Variants in KIF18A observed in about 807,000 individuals in gnomAD.
The protein encoded by KIF18A is kinesin family member 18A.
Under a neutral mutation model 103.3 loss-of-function variants are expected in KIF18A, and 67 were observed. That is an observed-to-expected ratio of 0.65 (90% CI 0.53 to 0.79). The LOEUF is 0.79. KIF18A is among the 30% of genes least tolerant of loss of function. The pLI is 0.00. For synonymous variants in KIF18A, 367 were observed against 355.5 expected, an observed-to-expected ratio of 1.03 and a Z score of -0.36; for missense variants, 1,032 against 1,062.5, an observed-to-expected ratio of 0.97 and a Z score of 0.40.
intron 1 of KIF18A, among the ~76,000 whole-genome samples, chr11:28,106,693 G>A (rs766784707): frequency 2.6e-5 from 4 of 152,066 alleles, no homozygotes; most frequent in Non-Finnish European, 4.4e-5. Flanking sequence ...AGGAAGGGCT[G>A]GGTGCCCTGC....
chr11:28,020,812 G>C lies in KIF18A; in HGVS notation c.*388C>G, dbSNP rs973731960. On this transcript the variant is annotated 3_prime_UTR_variant, in exon 17 of 17. Coordinates refer to ENST00000263181, the MANE Select transcript of KIF18A (RefSeq NM_031217.4). ...CATAATAGAGAACCAAATACATCTTGGGCCATAATTTTACCACTTCTAAAT... is the reference window on the plus strand; with the variant it reads ...CATAATAGAGAACCAAATACATCTTCGGCCATAATTTTACCACTTCTAAAT... The C allele has an allele frequency of 6.6e-6, 1 of 152,496 alleles. No homozygotes were observed. Among genetic ancestry groups the C allele is most frequent in the Admixed American group, 6.6e-5 (1 of 15,252 alleles). 9.4% of individuals were successfully genotyped at this position (152,496 alleles called of 1,614,324 possible). A position where few individuals can be genotyped will look rare whatever the true frequency, so the allele number is the denominator to read the frequency against.
chr11:28,032,374 AT>A (rs920872798), intron 15 of KIF18A, among the ~76,000 whole-genome samples: 1 of 151,882 alleles, frequency 6.6e-6, no homozygotes, highest in Admixed American at 6.6e-5. Flanking sequence ...CAATCCTAAA[AT>A]TTATATGGAA....
chr11:28,035,736 TC>T (rs1850477288), intron 14 of KIF18A, among the ~76,000 whole-genome samples: 1 of 151,564 alleles, frequency 6.6e-6, no homozygotes, highest in African/African-American at 2.4e-5. Context: ...AAGGTATTTT[TC>T]TTTCCATATT....
chr11:28,100,550 GGT>G (rs1200829842), intron 1 of KIF18A, among the ~76,000 whole-genome samples: 1 of 93,312 alleles, frequency 1.1e-5, no homozygotes, highest in Non-Finnish European at 2.5e-5. Flanking sequence ...GGAGAAAAAT[GGT>G]GTGAGTGAAG....
chr11:28,082,330 C>T (rs1414270809), intron 9 of KIF18A, among the ~76,000 whole-genome samples: 1 of 152,060 alleles, frequency 6.6e-6, no homozygotes, highest in Non-Finnish European at 1.5e-5. Context: ...TCAATCTATG[C>T]AGTAAACTTC....
rs546137051 is a variant in KIF18A, at chr11:28,036,511, T to C, written c.2102A>G (p.Gln701Arg). 119 of 1,611,386 alleles carry C rather than the reference T, an allele frequency of 7.4e-5. No individual in the cohort carries two copies. The highest frequency in any genetic ancestry group is 8.8e-5 in the Non-Finnish European group (104 of 1,178,326). The change falls in exon 14 of 17, where the codon CAG becomes CGG. Residue 701 changes from glutamine to arginine, a missense_variant. Gln to Arg is a conservative substitution (Grantham distance 43). Coordinates refer to ENST00000263181, the MANE Select transcript of KIF18A (RefSeq NM_031217.4). Reference sequence around the variant, plus strand: ...GTCTTCTGGTGTATATACAATAGGCTGAAGTTCTTTGCTAAGAGAATCATT... The same window carrying C: ...GTCTTCTGGTGTATATACAATAGGCCGAAGTTCTTTGCTAAGAGAATCATT... ...QLNDSLSKEL[Q>R]PIVYTPEDCR... is the part of the protein sequence containing the mutation.
At chr11:28,042,381 A>G (rs1321931603) in intron 13 of KIF18A, among the ~76,000 whole-genome samples, 1 of 151,882 alleles carries the variant, frequency 6.6e-6, no homozygotes, top group East Asian at 1.9e-4. Context: ...ACACTCCCAA[A>G]CAATTAAAAC....
chr11:28,045,356 T>C (rs1850617881), intron 13 of KIF18A, among the ~76,000 whole-genome samples: 1 of 151,754 alleles, frequency 6.6e-6, no homozygotes, highest in Non-Finnish European at 1.5e-5. Context: ...CTCACAGATT[T>C]GGCTGAGGAC....
chr11:28,077,018 T>C lies in KIF18A; in HGVS notation c.1414A>G (p.Lys472Glu). 3 of 1,511,448 alleles carry C rather than the reference T, an allele frequency of 2.0e-6. No individual in the cohort carries two copies. Among genetic ancestry groups the C allele is most frequent in the South Asian group, 1.3e-5 (1 of 78,318 alleles). 93.6% of individuals were successfully genotyped at this position (1,511,448 alleles called of 1,614,324 possible). A position where few individuals can be genotyped will look rare whatever the true frequency, so the allele number is the denominator to read the frequency against. The change falls in exon 10 of 17, where the codon AAA (lysine) becomes GAA (glutamate). Residue 472 changes from lysine to glutamate, a missense_variant. By Grantham distance (56) the Lys-to-Glu change is moderately conservative (BLOSUM62 1). Coordinates refer to ENST00000263181, the MANE Select transcript of KIF18A (RefSeq NM_031217.4). ...AAATTGTTAATTACCTTTTCTACTT[T>C]GTCTTCAGAACACATCATTTCTATT... ...KQIEMMCSEDKVEKATGKRDH... is the reference protein window; with the variant it reads ...KQIEMMCSEDEVEKATGKRDH...
chr11:28,058,662 C>CAAAAAAAAAAAAAAAAAAAAAAAAAAA (rs58273868), intron 13 of KIF18A, among the ~76,000 whole-genome samples: 1 of 64,450 alleles, frequency 1.6e-5, no homozygotes, highest in African/African-American at 5.5e-5. Flanking sequence ...ACCCTGTCAC[C>CAAAAAAAAAAAAAAAAAAAAAAAAAAA]AAAAAAAAAA....
At chr11:28,092,947 A>C (rs1395010387) in intron 3 of KIF18A, among the ~76,000 whole-genome samples, 5 of 152,208 alleles carry the variant, frequency 3.3e-5, no homozygotes, top group Non-Finnish European at 7.3e-5. Context: ...AAGCTGGTCT[A>C]TGTATGACAC....
chr11:28,041,872 A>C (rs1209179351), intron 13 of KIF18A, among the ~76,000 whole-genome samples: 1 of 151,914 alleles, frequency 6.6e-6, no homozygotes, highest in African/African-American at 2.4e-5. Context: ...GTAAATTAAG[A>C]GAAATTGACA....
chr11:28,038,652 A>G (rs1286470269), intron 13 of KIF18A, among the ~76,000 whole-genome samples: 4 of 151,790 alleles, frequency 2.6e-5, no homozygotes, highest in South Asian at 4.1e-4. Flanking sequence ...TACAAGCACT[A>G]TTCTTATTAT....
At chr11:28,073,810 C>T (rs1335345612) in intron 10 of KIF18A, among the ~76,000 whole-genome samples, 3 of 152,106 alleles carry the variant, frequency 2.0e-5, no homozygotes, top group Non-Finnish European at 2.9e-5. Flanking sequence ...TCTTTCTTTA[C>T]CTCCATTGTG....
At chr11:28,067,630 T>C (rs1217004887) in intron 11 of KIF18A, among the ~76,000 whole-genome samples, 1 of 152,190 alleles carries the variant, frequency 6.6e-6, no homozygotes, top group Non-Finnish European at 1.5e-5. Flanking sequence ...TATTTCATAT[T>C]TTCCTTCACC....
At chr11:28,033,480 T>C (rs751254809) in intron 15 of KIF18A, among the ~76,000 whole-genome samples, 11 of 151,474 alleles carry the variant, frequency 7.3e-5, no homozygotes, top group Admixed American at 4.0e-4. Flanking sequence ...AACAGATGAA[T>C]AGAAAAAGAA....
chr11:28,056,476 G>A (rs1409560702), intron 13 of KIF18A, among the ~76,000 whole-genome samples: 1 of 152,044 alleles, frequency 6.6e-6, no homozygotes, highest in Non-Finnish European at 1.5e-5. Context: ...ATGGGAAAGT[G>A]CCATGCAATA....
intron 13 of KIF18A, among the ~76,000 whole-genome samples, chr11:28,042,740 A>G (rs976925320): frequency 6.6e-6 from 1 of 151,946 alleles, no homozygotes; most frequent in Non-Finnish European, 1.5e-5. Flanking sequence ...GACAATTTTA[A>G]CCAAAGTGAT....
Position 28,045,024 on chromosome 11 carries a change from CAA to C in KIF18A, c.1949-8362_1949-8361del, listed in dbSNP as rs1363368838. Among the ~76,000 whole-genome samples the C allele has an allele frequency of 2.0e-5, 3 of 151,900 alleles. No individual in the cohort carries two copies. In the East Asian group the frequency reaches 5.8e-4, roughly 29 times the overall value. Reference sequence around the variant, plus strand: ...GTGGTTAAGTGGTTAAAAAAGTAAACAAAGTTTGGATATTCATCTGCCATTCA... The same window carrying C: ...GTGGTTAAGTGGTTAAAAAAGTAAACAGTTTGGATATTCATCTGCCATTCA... On this transcript the variant is annotated intron_variant, in intron 13 of 16. Transcript: ENST00000263181.
Sources: allele counts gnomAD v4.1 joint callset (sites outside exome capture counted in the v4.1 genomes callset), GRCh38; gene constraint gnomAD v4.1.1; transcripts MANE v1.5; gene names NCBI Gene and HGNC (gene_info 2026-07-23, HGNC 2026-07-21).